The following PIWIL1 variants were observed in gnomAD, a reference collection of about 807,000 sequenced individuals.
PIWIL1 encodes the protein piwi like RNA-mediated gene silencing 1.
In PIWIL1, 73 loss-of-function variants were observed where a neutral mutation model predicts 114.4. The observed-to-expected ratio is 0.64, with a 90% confidence interval of 0.53 to 0.78. The LOEUF is 0.78. PIWIL1 is among the 30% of genes least tolerant of loss of function. The probability of loss-of-function intolerance (pLI) is 0.00; values close to 1 mark genes in which losing one functional copy is unlikely to be tolerated. For missense variants in PIWIL1, 723 were observed against 1,063.1 expected (o/e 0.68, Z 4.45); for synonymous variants, 375 against 369.0 (o/e 1.02, Z -0.19).
chr12:130,422,846 T>C, the PIWIL1 span, among the ~76,000 whole-genome samples: 1 of 152,112 alleles, frequency 6.6e-6, no homozygotes, highest in Non-Finnish European at 1.5e-5. This position sits in a 1 kb window ranked among gnomAD's most constrained non-coding sequence, Gnocchi z 5.2. Context: ...GACAAATGTT[T>C]TGGGACCAAA....
rs745441674 is a variant in PIWIL1 at position 130,342,566 on chromosome 12, T to C, written c.-12-14T>C. 2 of 1,525,300 alleles carry C rather than the reference T, an allele frequency of 1.3e-6. No individual in the cohort carries two copies. Among genetic ancestry groups the C allele is most frequent in the Non-Finnish European group, 1.8e-6 (2 of 1,099,516 alleles). 94.5% of individuals were successfully genotyped at this position (1,525,300 alleles called of 1,614,324 possible). ...CTCCATTGAGTATTGTCTTCAAGAT[T>C]GTTTCCTCTCCAGAAATAGAAAACA... On this transcript the variant is annotated splice_polypyrimidine_tract_variant and intron_variant, in intron 1 of 20. Coordinates refer to ENST00000245255, the MANE Select transcript of PIWIL1 (RefSeq NM_004764.5).
chr12:130,374,149 C>T (rs2073848709), downstream of PIWIL1, among the ~76,000 whole-genome samples: 1 of 152,156 alleles, frequency 6.6e-6, no homozygotes, highest in Non-Finnish European at 1.5e-5. Flanking sequence ...CTCATTGAAG[C>T]ATTCTATTTA....
chr12:130,340,756 A>C (rs939704259), intron 1 of PIWIL1, among the ~76,000 whole-genome samples: 1 of 151,984 alleles, frequency 6.6e-6, no homozygotes, highest in Non-Finnish European at 1.5e-5. Flanking sequence ...CCCGTGTGTA[A>C]GCCGAGCATG....
At chr12:130,349,184 T>C in intron 7 of PIWIL1, 55 bp from the exon 8 acceptor site, 1 of 1,334,996 alleles carries the variant, frequency 7.5e-7, no homozygotes. Context: ...ACTTAGTGTG[T>C]GCAGAATGTG....
chr12:130,387,714 A>AC, the PIWIL1 span, among the ~76,000 whole-genome samples: 2 of 148,688 alleles, frequency 1.3e-5, no homozygotes, highest in East Asian at 2.0e-4. Context: ...CATGCACACC[A>AC]CCCCTTCCTG....
chr12:130,341,338 T>G (rs1210627255), intron 1 of PIWIL1, among the ~76,000 whole-genome samples: 1 of 152,238 alleles, frequency 6.6e-6, no homozygotes, highest in Non-Finnish European at 1.5e-5. Context: ...ACCTTCCAAT[T>G]CCTAATTCTC....
rs1252316550 is a variant in PIWIL1 at position 130,372,244 on chromosome 12, A to G, written c.*646A>G. 2 of 152,204 alleles carry G rather than the reference A, an allele frequency of 1.3e-5. No homozygotes were observed. Among genetic ancestry groups the G allele is most frequent in the South Asian group, 2.1e-4 (1 of 4,830 alleles). The allele number at this position is 152,204 out of a possible 1,614,324, so 9.4% of individuals were successfully genotyped here. On this transcript the variant is annotated 3_prime_UTR_variant, in exon 21 of 21. Coordinates refer to ENST00000245255, the MANE Select transcript of PIWIL1 (RefSeq NM_004764.5). ...CAAAAAAGGCCATGAGTAAATCTCT[A>G]TATTAACATTACTATTTATTTTGTT...
At chr12:130,391,686 G>GAC in the PIWIL1 span, among the ~76,000 whole-genome samples, 4 of 152,214 alleles carry the variant, frequency 2.6e-5, no homozygotes, top group African/African-American at 9.7e-5. Flanking sequence ...GCTGGAGGCA[G>GAC]ACACCAGCTG....
chr12:130,361,254 T>C lies in PIWIL1; in HGVS notation c.1740T>C (p.Pro580=). ...AAAAATACCTGTGTACAGATTGCCC[T>C]ACCCCAAGTCAGTGTGTGGTGGCCC... is the stretch of plus-strand genomic sequence containing the variant. ...AIKKYLCTDC[P]TPSQCVVART... The change falls in exon 15 of 21, where the codon CCT becomes CCC. Residue 580 remains proline, a synonymous_variant. Coordinates refer to ENST00000245255, the MANE Select transcript of PIWIL1 (RefSeq NM_004764.5). 6.2e-7 allele frequency: 1 copy of C among 1,614,204 alleles called. No individual in the cohort carries two copies. Among genetic ancestry groups the C allele is most frequent in the Non-Finnish European group, 8.5e-7 (1 of 1,180,026 alleles).
the PIWIL1 span, among the ~76,000 whole-genome samples, chr12:130,390,568 G>A: frequency 2.6e-5 from 4 of 152,270 alleles, no homozygotes; most frequent in East Asian, 1.9e-4. Flanking sequence ...CACTGGTCCC[G>A]TTCACTTTGC....
At chr12:130,408,181 G>T in the PIWIL1 span, among the ~76,000 whole-genome samples, 4 of 152,202 alleles carry the variant, frequency 2.6e-5, no homozygotes, top group African/African-American at 9.7e-5. Flanking sequence ...GGCTTGGGAG[G>T]CCCTGCAGAG....
the PIWIL1 span, among the ~76,000 whole-genome samples, chr12:130,393,977 G>GTGTT: frequency 1.3e-5 from 2 of 152,136 alleles, no homozygotes; most frequent in African/African-American, 4.8e-5. Context: ...TGGGCATTTT[G>GTGTT]TGTTTGCTGT....
At chr12:130,407,765 G>GTCAT in the PIWIL1 span, 1 of 1,614,200 alleles carries the variant, frequency 6.2e-7, no homozygotes, top group South Asian at 1.1e-5. Context: ...TGGGGTCGTA[G>GTCAT]TCATACAGGG....
chr12:130,361,635 A>G, intron 16 of PIWIL1, 34 bp downstream of exon 16: 1 of 1,538,472 alleles, frequency 6.5e-7, no homozygotes, highest in Non-Finnish European at 9.0e-7. Context: ...GGTGGCAGTG[A>G]GGACATAAAG....
the PIWIL1 span, chr12:130,422,433 G>A: frequency 6.4e-7 from 1 of 1,551,146 alleles, no homozygotes; most frequent in Admixed American, 1.7e-5. This position sits in a 1 kb window ranked among gnomAD's most constrained non-coding sequence, Gnocchi z 5.2. Context: ...AGACACAACA[G>A]CGATGATGGG....
the PIWIL1 span, among the ~76,000 whole-genome samples, chr12:130,384,174 G>A: frequency 1.3e-5 from 2 of 152,154 alleles, no homozygotes; most frequent in Admixed American, 6.5e-5. Flanking sequence ...ATACATAAGC[G>A]AATGAAGACA....
the PIWIL1 span, among the ~76,000 whole-genome samples, chr12:130,395,479 A>G: frequency 6.6e-6 from 1 of 152,216 alleles, no homozygotes; most frequent in Non-Finnish European, 1.5e-5. Flanking sequence ...AGACCAGCTC[A>G]TTATTACTTC....
the PIWIL1 span, among the ~76,000 whole-genome samples, chr12:130,416,773 G>C: frequency 6.6e-6 from 1 of 152,092 alleles, no homozygotes; most frequent in Non-Finnish European, 1.5e-5. Flanking sequence ...TCAACAGAGT[G>C]AACAACACCC....
chr12:130,424,334 GC>G, the PIWIL1 span: 1 of 1,231,960 alleles, frequency 8.1e-7, no homozygotes, highest in Non-Finnish European at 1.0e-6. This position sits in a 1 kb window ranked among gnomAD's most constrained non-coding sequence, Gnocchi z 9.8. Context: ...GGCCACCAGG[GC>G]CCACCTGCTC....
Sources: gnomAD v4.1 joint callset for allele counts (sites outside exome capture counted in the v4.1 genomes callset) on GRCh38, gnomAD v4.1.1 for gene constraint, Gnocchi (gnomAD v3.1) non-coding constraint, MANE v1.5 for transcripts, NCBI Gene and HGNC (gene_info 2026-07-23, HGNC 2026-07-21) for gene names.